The following PTPN22 variants were observed in gnomAD, a reference collection of about 807,000 sequenced individuals.
The protein encoded by PTPN22 is tyrosine-protein phosphatase non-receptor type 22.
Under a neutral mutation model 103.3 loss-of-function variants are expected in PTPN22, and 85 were observed. That is an observed-to-expected ratio of 0.82 (90% CI 0.69 to 0.99). PTPN22 has a LOEUF of 0.99. Ranked by LOEUF, PTPN22 falls within the 50% of genes least tolerant of loss-of-function variation. The pLI is 0.00. For synonymous variants in PTPN22, 323 were observed against 310.2 expected (o/e 1.04, Z -0.43); for missense variants, 865 against 936.9 (o/e 0.92, Z 1.00).
chr1:113,841,418 A>G (rs2101992870), intron 11 of PTPN22, among the ~76,000 whole-genome samples: 1 of 152,236 alleles, frequency 6.6e-6, no homozygotes, highest in East Asian at 1.9e-4. Flanking sequence ...ACAACAAAAG[A>G]ATAATAGGAA....
At chr1:113,848,515 A>C in intron 11 of PTPN22, 25 bp downstream of exon 11, 1 of 1,608,454 alleles carries the variant, frequency 6.2e-7, no homozygotes. Context: ...AATTTTTTTG[A>C]CATAATATCT....
At chr1:113,815,064 C>T in intron 20 of PTPN22, 95 bp from the exon 21 acceptor site, 1 of 881,256 alleles carries the variant, frequency 1.1e-6, no homozygotes, top group Non-Finnish European at 1.7e-6. Context: ...TATGCAAATA[C>T]ATGGTCTTTT....
intron 1 of PTPN22, among the ~76,000 whole-genome samples, chr1:113,863,112 A>G (rs181097734): frequency 1.2e-4 from 19 of 152,254 alleles, no homozygotes; most frequent in Admixed American, 1.2e-3. Context: ...TTGGTTTTTG[A>G]GACAGAATCT....
At chr1:113,817,194 G>A (rs1277591655) in intron 20 of PTPN22, among the ~76,000 whole-genome samples, 2 of 152,116 alleles carry the variant, frequency 1.3e-5, no homozygotes, top group Non-Finnish European at 2.9e-5. Flanking sequence ...AACCCAAGTG[G>A]ACTAGGAATA....
chr1:113,856,796 A>C, intron 5 of PTPN22, 177 bp from the exon 6 acceptor site: 1 of 724,300 alleles, frequency 1.4e-6, no homozygotes, highest in Non-Finnish European at 2.2e-6. Context: ...CAAACATTAA[A>C]GGATATATAA....
At chr1:113,848,846 G>A (rs1174164812) in intron 10 of PTPN22, among the ~76,000 whole-genome samples, 2 of 151,996 alleles carry the variant, frequency 1.3e-5, no homozygotes, top group African/African-American at 4.8e-5. Context: ...CTAAATATTT[G>A]ATACACCTCT....
At chr1:113,817,149 C>T (rs1016689292) in intron 20 of PTPN22, among the ~76,000 whole-genome samples, 1 of 152,112 alleles carries the variant, frequency 6.6e-6, no homozygotes, top group Admixed American at 6.5e-5. Context: ...ACACAATAGT[C>T]AGAATCATCC....
Position 113,871,670 on chromosome 1 carries a change from T to C in PTPN22, c.-47A>G. ...TCTATAAGTAGGTTGAGGGAGGGCA[T>C]GTCAAATGTGTGTCATGGCCGAGAC... On this transcript the variant is annotated 5_prime_UTR_variant, in exon 1 of 21. It removes an upstream start codon present in the reference 5' UTR. Transcript: ENST00000359785. 6.5e-7 allele frequency: 1 copy of C among 1,548,184 alleles called. No homozygotes were observed.
intron 1 of PTPN22, among the ~76,000 whole-genome samples, chr1:113,865,553 T>C (rs1015714298): frequency 2.6e-5 from 4 of 152,224 alleles, no homozygotes; most frequent in Non-Finnish European, 1.5e-5. Context: ...TTCTCTTTTA[T>C]ATTTATTAAG....
chr1:113,847,607 G>A (rs1664209106), intron 11 of PTPN22, among the ~76,000 whole-genome samples: 1 of 148,084 alleles, frequency 6.8e-6, no homozygotes, highest in African/African-American at 2.5e-5. Context: ...TTAACAGAGT[G>A]TTGCTCTGTC....
At chr1:113,819,216 AG>A (rs1661393279) in intron 20 of PTPN22, 1 of 155,160 alleles carries the variant, frequency 6.4e-6, no homozygotes, top group Non-Finnish European at 1.4e-5. Context: ...AAGATTAAAT[AG>A]TGGCAACTGC....
rs556047660 is a variant in PTPN22 at position 113,850,648 on chromosome 1, A to G, written c.828+1379T>C. On this transcript the variant is annotated intron_variant, in intron 10 of 20. Transcript: ENST00000359785. ...CAGGTTGAATATAGAAAACACCTAC[A>G]CTCAGCACACATGAAAGTTATTTTT... Among the ~76,000 whole-genome samples the G allele has an allele frequency of 9.8e-5, 15 of 152,316 alleles. No homozygotes were observed. In the East Asian group the frequency reaches 2.9e-3, roughly 29 times the overall value.
At chr1:113,850,200 AGAAGGAAG>A (rs71090741) in intron 10 of PTPN22, among the ~76,000 whole-genome samples, 18,121 of 77,856 alleles carry the variant, frequency 0.23, 2,460 homozygotes, top group East Asian at 0.33. Context: ...CCATCTCAAA[AGAAGGAAG>A]GAAGGAAGGA....
chr1:113,820,310 T>A (rs1661482183), intron 19 of PTPN22, among the ~76,000 whole-genome samples: 1 of 151,818 alleles, frequency 6.6e-6, no homozygotes, highest in African/African-American at 2.4e-5. Flanking sequence ...AAAAAAAAAT[T>A]AGCGAGGCAT....
chr1:113,857,744 C>G (rs1019801634), exon 5 of PTPN22: 6 of 1,611,536 alleles, frequency 3.7e-6, no homozygotes, highest in Non-Finnish European at 5.1e-6. Flanking sequence ...TTACCTTTCC[C>G]ATTTCATACT....
intron 1 of PTPN22, among the ~76,000 whole-genome samples, chr1:113,869,342 G>A (rs1249455707): frequency 6.6e-6 from 1 of 152,150 alleles, no homozygotes; most frequent in Non-Finnish European, 1.5e-5. Flanking sequence ...ATATTTTGGT[G>A]AGAAATTATA....
intron 1 of PTPN22, 23 bp downstream of exon 1, chr1:113,871,512 TGA>T: frequency 6.3e-7 from 1 of 1,597,846 alleles, no homozygotes; most frequent in Non-Finnish European, 8.6e-7. Flanking sequence ...GTAACTACCC[TGA>T]GAGGGTCACA....
rs1425849886 is a variant in PTPN22 at position 113,864,351 on chromosome 1, C to T, written c.88-4891G>A. 21 of 372,310 alleles carry T rather than the reference C, an allele frequency of 5.6e-5. 1 individual carries two copies. The highest frequency in any genetic ancestry group is 2.5e-4 in the Admixed American group (8 of 31,534). The allele number at this position is 372,310 out of a possible 1,614,324, so 23.1% of individuals were successfully genotyped here. On this transcript the variant is annotated intron_variant, in intron 1 of 20. Coordinates refer to ENST00000359785, the Ensembl canonical transcript of PTPN22. ...TCTGCAGTGAGCTATGATCAAGCCA[C>T]GGCACTCCAGCCTGGGTGACAGAGC...
intron 18 of PTPN22, among the ~76,000 whole-genome samples, chr1:113,826,250 C>T (rs547689482): frequency 6.6e-6 from 1 of 152,154 alleles, no homozygotes; most frequent in Admixed American, 6.5e-5. Flanking sequence ...AAGGCTGATG[C>T]AGGAGGATCA....
Sources: allele counts gnomAD v4.1 joint callset (sites outside exome capture counted in the v4.1 genomes callset), GRCh38; gene constraint gnomAD v4.1.1; transcripts MANE v1.5; gene names NCBI Gene and HGNC (gene_info 2026-07-23, HGNC 2026-07-21).